MALRD1: variants seen among roughly 807,000 people sequenced by gnomAD.
MALRD1 encodes the protein MAM and LDL-receptor class A domain-containing protein 1.
Under a neutral mutation model 242.1 loss-of-function variants are expected in MALRD1, and 247 were observed. That is an observed-to-expected ratio of 1.02 (90% CI 0.92 to 1.13). The LOEUF (loss-of-function observed/expected upper bound fraction) is 1.13. Among genes scored for constraint, MALRD1 ranks in the 50% most tolerant of loss-of-function variants. The probability of loss-of-function intolerance (pLI) is 0.00; values close to 1 mark genes in which losing one functional copy is unlikely to be tolerated. For synonymous variants in MALRD1, 995 were observed against 866.6 expected (o/e 1.15, Z -2.60); for missense variants, 2,989 against 2,533.1 (o/e 1.18, Z -3.86).
At position 19,617,983 on chromosome 10, in the gene MALRD1, C is replaced by T. The variant is rs560609899; in HGVS notation, c.6137+2060C>T. On this transcript the variant is annotated intron_variant, in intron 36 of 39. Transcript: ENST00000454679. ...TGCCTGATCCTCTCTTTTCTTCCAC[C>T]CTCCATGCTTCAGTAGTCCCCAGTG... is the stretch of plus-strand genomic sequence containing the variant. 1.9e-3 allele frequency among the ~76,000 whole-genome samples: 285 copies of T among 152,036 alleles called. 2 individuals carry two copies. Among genetic ancestry groups the T allele is most frequent in the African/African-American group, 6.6e-3 (273 of 41,520 alleles).
intron 21 of MALRD1, among the ~76,000 whole-genome samples, chr10:19,311,252 C>A (rs1359939778): frequency 6.6e-6 from 1 of 150,990 alleles, no homozygotes; most frequent in Non-Finnish European, 1.5e-5. Flanking sequence ...CTTTTATTAA[C>A]CTTGGTTATA....
At chr10:19,499,893 T>C (rs1837892441) in intron 31 of MALRD1, among the ~76,000 whole-genome samples, 1 of 152,206 alleles carries the variant, frequency 6.6e-6, no homozygotes, top group African/African-American at 2.4e-5. Context: ...CCCTAATTCC[T>C]TCTATATGGT....
At chr10:19,207,953 G>C (rs1016066206) in intron 17 of MALRD1, among the ~76,000 whole-genome samples, 2 of 152,176 alleles carry the variant, frequency 1.3e-5, no homozygotes, top group African/African-American at 4.8e-5. Context: ...CAGGCACTGT[G>C]ATCCTGTTAC....
chr10:19,485,646 TAA>T (rs3045358), intron 29 of MALRD1, among the ~76,000 whole-genome samples: 3 of 145,394 alleles, frequency 2.1e-5, no homozygotes, highest in Admixed American at 6.8e-5. Flanking sequence ...CCGTCTCAAT[TAA>T]AAAAAAAAAA....
intron 12 of MALRD1, among the ~76,000 whole-genome samples, chr10:19,157,454 A>G (rs993497288): frequency 2.6e-5 from 4 of 151,824 alleles, no homozygotes; most frequent in African/African-American, 9.7e-5. Context: ...TCACCATGTT[A>G]TCCAGGATGG....
chr10:19,569,691 G>T (rs534596575), intron 33 of MALRD1, among the ~76,000 whole-genome samples: 4 of 145,264 alleles, frequency 2.8e-5, no homozygotes, highest in African/African-American at 7.5e-5. Context: ...ATTATATATT[G>T]TTAATATTAT....
At chr10:19,275,896 A>G (rs1840496866) in intron 19 of MALRD1, among the ~76,000 whole-genome samples, 1 of 152,172 alleles carries the variant, frequency 6.6e-6, no homozygotes. Flanking sequence ...AGCAATGTGA[A>G]GAATAGGAAA....
At chr10:19,121,767 T>C (rs1395714620) in intron 5 of MALRD1, among the ~76,000 whole-genome samples, 5 of 152,124 alleles carry the variant, frequency 3.3e-5, no homozygotes, top group South Asian at 4.1e-4. Flanking sequence ...GCCAGTGAGA[T>C]TGATGATGGG....
intron 31 of MALRD1, among the ~76,000 whole-genome samples, chr10:19,507,170 G>A (rs938327137): frequency 6.6e-5 from 10 of 151,954 alleles, no homozygotes; most frequent in African/African-American, 1.7e-4. Context: ...GGGATCTTCC[G>A]CCATGATCCA....
rs1351248695 is a variant in MALRD1 at position 19,398,205 on chromosome 10, G to A, written c.4845+8596G>A. Among the ~76,000 whole-genome samples the A allele has an allele frequency of 2.6e-5, 4 of 152,028 alleles. No individual in the cohort carries two copies. The East Asian group carries it at 7.7e-4, about 29-fold the overall frequency. On this transcript the variant is annotated intron_variant, in intron 28 of 39. Transcript: ENST00000454679. ...GTCTATTTTTGCTTTTGTTGTCTGT[G>A]AATTTGAGGTCTTATCCAAAAAAAT...
intron 18 of MALRD1, among the ~76,000 whole-genome samples, chr10:19,211,945 G>C (rs964327636): frequency 6.6e-6 from 1 of 152,088 alleles, no homozygotes; most frequent in African/African-American, 2.4e-5. Flanking sequence ...TAAAATGAAA[G>C]AAATAGGATA....
intron 35 of MALRD1, among the ~76,000 whole-genome samples, chr10:19,611,945 G>A (rs1328915886): frequency 6.6e-6 from 1 of 151,926 alleles, no homozygotes; most frequent in Non-Finnish European, 1.5e-5. Context: ...GCATAAAAAT[G>A]CATATTTAGA....
chr10:19,156,857 G>A (rs909298483), intron 12 of MALRD1, among the ~76,000 whole-genome samples: 2 of 152,066 alleles, frequency 1.3e-5, no homozygotes, highest in Admixed American at 6.6e-5. Flanking sequence ...CTTAGTTGGG[G>A]TTGGGGTGTT....
At chr10:19,473,197 C>T (rs1836578662) in intron 29 of MALRD1, among the ~76,000 whole-genome samples, 2 of 143,208 alleles carry the variant, frequency 1.4e-5, no homozygotes, top group East Asian at 2.1e-4. Flanking sequence ...AATTTTTCAA[C>T]TTAAATTTTG....
chr10:19,131,005 T>G (rs77673199), intron 8 of MALRD1, among the ~76,000 whole-genome samples: 8,510 of 152,192 alleles, frequency 0.056, 249 homozygotes, highest in South Asian at 0.12. Context: ...ATGTACATCT[T>G]AGAGATTGTT....
chr10:19,474,739 CA>C lies in MALRD1; in HGVS notation c.5030-16770del, dbSNP rs201025101. On this transcript the variant is annotated intron_variant, in intron 29 of 39. Coordinates refer to ENST00000454679, the MANE Select transcript of MALRD1 (RefSeq NM_001142308.3). ...TGCTGGCCAAGGATGAAAACAACAA[CA>C]AAAAAAATTAGAACTTTCAACATTT... Among the ~76,000 whole-genome samples the C allele has an allele frequency of 9.3e-3, 1,413 of 151,742 alleles. 15 individuals are homozygous for C. The highest frequency in any genetic ancestry group is 0.033 in the African/African-American group (1,357 of 41,434).
intron 28 of MALRD1, among the ~76,000 whole-genome samples, chr10:19,442,145 G>GGAATGGTT (rs1834699490): frequency 6.6e-6 from 1 of 152,062 alleles, no homozygotes; most frequent in East Asian, 1.9e-4. Flanking sequence ...GTCTGTTATT[G>GGAATGGTT]GTGTATAGGA....
chr10:19,297,779 A>G (rs897855139), intron 21 of MALRD1, among the ~76,000 whole-genome samples: 2 of 151,926 alleles, frequency 1.3e-5, no homozygotes, highest in African/African-American at 4.8e-5. Flanking sequence ...ACCCGAAAGA[A>G]GATACAAAGT....
intron 24 of MALRD1, among the ~76,000 whole-genome samples, chr10:19,346,533 T>C (rs1480823007): frequency 2.0e-5 from 3 of 152,200 alleles, no homozygotes; most frequent in Non-Finnish European, 4.4e-5. Context: ...ATTTCACTTA[T>C]GATTTTACAG....
Sources: gnomAD v4.1 joint callset for allele counts (sites outside exome capture counted in the v4.1 genomes callset) on GRCh38, gnomAD v4.1.1 for gene constraint, MANE v1.5 for transcripts, NCBI Gene and HGNC (gene_info 2026-07-23, HGNC 2026-07-21) for gene names.